Variants in MYO1H observed in about 807,000 individuals in gnomAD.
The protein encoded by MYO1H is unconventional myosin-Ih.
Under a neutral mutation model 149.3 loss-of-function variants are expected in MYO1H, and 118 were observed. The observed-to-expected ratio is 0.79, with a 90% confidence interval of 0.68 to 0.92. The LOEUF (loss-of-function observed/expected upper bound fraction) is 0.92. Ranked by LOEUF, MYO1H falls within the 40% of genes least tolerant of loss-of-function variation. The pLI, the probability that MYO1H is intolerant of heterozygous loss-of-function variation, is 0.00. For synonymous variants in MYO1H, 447 were observed against 465.2 expected (o/e 0.96, Z 0.50); for missense variants, 1,212 against 1,280.7 (o/e 0.95, Z 0.82).
At chr12:109,374,192 T>G (rs762752905) in intron 1 of MYO1H, among the ~76,000 whole-genome samples, 7 of 152,232 alleles carry the variant, frequency 4.6e-5, no homozygotes, top group Non-Finnish European at 1.0e-4. Flanking sequence ...CTATCCTGAA[T>G]TGGCCTGTTT....
At chr12:109,401,703 C>T (rs1392435846) in intron 6 of MYO1H, among the ~76,000 whole-genome samples, 2 of 152,022 alleles carry the variant, frequency 1.3e-5, no homozygotes, top group African/African-American at 4.8e-5. Flanking sequence ...AACTATGCCC[C>T]AAACCTATGC....
intron 1 of MYO1H, among the ~76,000 whole-genome samples, chr12:109,383,130 T>C (rs1237919040): frequency 6.6e-6 from 1 of 152,152 alleles, no homozygotes; most frequent in African/African-American, 2.4e-5. Context: ...TCTCACCCCC[T>C]ACTTCAATCA....
At chr12:109,410,142 T>TC in intron 12 of MYO1H, 74 bp downstream of exon 12, 1 of 559,088 alleles carries the variant, frequency 1.8e-6, no homozygotes, top group Admixed American at 4.8e-5. Context: ...ATTTAATTAA[T>TC]TTTTTTTTTA....
intron 3 of MYO1H, among the ~76,000 whole-genome samples, chr12:109,394,681 G>C (rs559463996): frequency 6.6e-6 from 1 of 151,506 alleles, no homozygotes; most frequent in Admixed American, 6.6e-5. Flanking sequence ...TTGACTTCTA[G>C]GCTAATATTT....
intron 7 of MYO1H, among the ~76,000 whole-genome samples, chr12:109,405,546 G>T (rs186723277): frequency 5.3e-5 from 8 of 152,304 alleles, no homozygotes; most frequent in Admixed American, 4.6e-4. Flanking sequence ...TTGACTTCGG[G>T]TGATCTGCCC....
chr12:109,411,919 C>T (rs1870694061), exon 14 of MYO1H: 1 of 1,606,680 alleles, frequency 6.2e-7, no homozygotes, highest in Non-Finnish European at 8.5e-7. Flanking sequence ...CGGCCTGGTC[C>T]TGCTACAGAC....
At chr12:109,331,438 C>T in the MYO1H span, among the ~76,000 whole-genome samples, 5 of 146,620 alleles carry the variant, frequency 3.4e-5, no homozygotes, top group Non-Finnish European at 7.4e-5. Context: ...TGGCATGGGC[C>T]GAATCCCTTG....
At chr12:109,334,016 ATTTG>A in the MYO1H span, among the ~76,000 whole-genome samples, 1 of 151,252 alleles carries the variant, frequency 6.6e-6, no homozygotes, top group Non-Finnish European at 1.5e-5. Context: ...TTATTTACTT[ATTTG>A]TTTACTTTTT....
At position 109,439,794 on chromosome 12, in the gene MYO1H, A is replaced by C; in HGVS notation, c.2454+4A>C. On this transcript the variant is annotated splice_donor_region_variant and intron_variant, in intron 24 of 31. Coordinates refer to ENST00000310903, the Ensembl canonical transcript of MYO1H. ...GCCTCCTGGCATCTTGGAAAATGTA[A>C]GGACTAATCTGGGATTTCCAGTGTT... 6.2e-7 allele frequency: 1 copy of C among 1,613,104 alleles called. No homozygotes were observed. The highest frequency in any genetic ancestry group is 1.1e-5 in the South Asian group (1 of 90,948).
chr12:109,393,580 C>T, intron 3 of MYO1H, 134 bp downstream of exon 3: 1 of 648,474 alleles, frequency 1.5e-6, no homozygotes, highest in East Asian at 2.7e-5. Flanking sequence ...TCCATCCGCC[C>T]ACCCATCCAT....
At chr12:109,346,641 A>C (rs1213270558), upstream of MYO1H, among the ~76,000 whole-genome samples, 1 of 151,792 alleles carries the variant, frequency 6.6e-6, no homozygotes, top group African/African-American at 2.4e-5. Context: ...GGTGCCTTGT[A>C]ATCCCAGCTA....
In MYO1H at chr12:109,442,289, CCTCAGT is replaced by C. The variant is rs1482856889; in HGVS notation, c.2688+22_2688+27del. 7 of 1,610,942 alleles carry C rather than the reference CCTCAGT, an allele frequency of 4.3e-6. No individual in the cohort carries two copies. The highest frequency in any genetic ancestry group is 4.0e-5 in the African/African-American group (3 of 74,846). ...AAAATCCAGGTAAGGCGATGTGTGT[CCTCAGT>C]CTCAAACAGGATTCCCTCATCGAGT... On this transcript the variant is annotated intron_variant, in intron 27 of 31. Coordinates refer to ENST00000310903, the Ensembl canonical transcript of MYO1H.
At chr12:109,431,480 C>T (rs1057384958) in intron 19 of MYO1H, among the ~76,000 whole-genome samples, 1 of 152,154 alleles carries the variant, frequency 6.6e-6, no homozygotes, top group Non-Finnish European at 1.5e-5. Flanking sequence ...GGACTAAATA[C>T]CTAGTGTGTA....
chr12:109,434,779 C>T (rs994331207), intron 20 of MYO1H, among the ~76,000 whole-genome samples: 3 of 152,210 alleles, frequency 2.0e-5, no homozygotes, highest in Non-Finnish European at 4.4e-5. Context: ...TCCCTCCAAT[C>T]TCTGCCTCCG....
At chr12:109,441,771 G>A (rs879048061) in intron 26 of MYO1H, 63 bp downstream of exon 26, 57 of 1,209,024 alleles carry the variant, frequency 4.7e-5, no homozygotes, top group Non-Finnish European at 6.4e-5. Flanking sequence ...AAAGGGTGGG[G>A]TGCGGTGGCT....
intron 5 of MYO1H, among the ~76,000 whole-genome samples, chr12:109,398,699 C>T (rs1870019425): frequency 1.4e-5 from 2 of 141,770 alleles, no homozygotes; most frequent in South Asian, 2.2e-4. Context: ...GCAGTTGGCA[C>T]CACTGCACTC....
At chr12:109,325,826 C>G in the MYO1H span, among the ~76,000 whole-genome samples, 1 of 152,182 alleles carries the variant, frequency 6.6e-6, no homozygotes, top group African/African-American at 2.4e-5. Context: ...AATAGCTCAT[C>G]ATCACTGATC....
chr12:109,315,728 C>T, the MYO1H span, among the ~76,000 whole-genome samples: 1 of 152,346 alleles, frequency 6.6e-6, no homozygotes, highest in East Asian at 1.9e-4. Flanking sequence ...GTCCTTATCA[C>T]CCAATCCCAA....
chr12:109,318,961 T>G, the MYO1H span, among the ~76,000 whole-genome samples: 1 of 103,410 alleles, frequency 9.7e-6, no homozygotes, highest in African/African-American at 4.9e-5. Flanking sequence ...ACTCTCTGCG[T>G]TTTTGGTTTT....
Sources: gnomAD v4.1 joint callset for allele counts (sites outside exome capture counted in the v4.1 genomes callset) on GRCh38, gnomAD v4.1.1 for gene constraint, MANE v1.5 for transcripts, NCBI Gene and HGNC (gene_info 2026-07-23, HGNC 2026-07-21) for gene names.